The following CLVS1 variants were observed in gnomAD, a reference collection of about 807,000 sequenced individuals.
The protein encoded by CLVS1 is clavesin 1.
Under a neutral mutation model 33.1 loss-of-function variants are expected in CLVS1, and 10 were observed. The observed-to-expected ratio is 0.30, with a 90% confidence interval of 0.19 to 0.51. The LOEUF is 0.51. Ranked by LOEUF, CLVS1 falls within the 20% of genes least tolerant of loss-of-function variation. The pLI is 0.97. For missense variants in CLVS1, 343 were observed against 433.4 expected (o/e 0.79, Z 1.85); for synonymous variants, 163 against 166.1 (o/e 0.98, Z 0.14).
At chr8:61,306,773 A>G (rs923336332) in intron 2 of CLVS1, among the ~76,000 whole-genome samples, 38 of 152,322 alleles carry the variant, frequency 2.5e-4, no homozygotes, top group African/African-American at 8.7e-4. Flanking sequence ...CCAACAATGT[A>G]TGAGGGTTCC....
At chr8:61,364,417 C>A (rs533559339) in intron 2 of CLVS1, among the ~76,000 whole-genome samples, 1 of 152,306 alleles carries the variant, frequency 6.6e-6, no homozygotes, top group South Asian at 2.1e-4. Context: ...AGAATACCAG[C>A]CTGCAAAACA....
intron 5 of CLVS1, among the ~76,000 whole-genome samples, chr8:61,474,248 A>G (rs1375109188): frequency 3.3e-5 from 5 of 152,102 alleles, no homozygotes; most frequent in Admixed American, 3.3e-4. Flanking sequence ...GGAGTCATCA[A>G]CTCTATTTAC....
intron 1 of CLVS1, among the ~76,000 whole-genome samples, chr8:61,077,448 T>C (rs1316001890): frequency 1.9e-4 from 3 of 16,044 alleles, no homozygotes; most frequent in Admixed American, 5.2e-4. Context: ...AAAGTATTAT[T>C]ATTATTATTA....
chr8:61,070,130 C>G (rs910737339), intron 1 of CLVS1, among the ~76,000 whole-genome samples: 1 of 152,144 alleles, frequency 6.6e-6, no homozygotes, highest in Non-Finnish European at 1.5e-5. Flanking sequence ...TTTATCTCCC[C>G]TTGGCTGCCT....
At chr8:61,084,555 T>G (rs1036679185) in intron 1 of CLVS1, among the ~76,000 whole-genome samples, 1 of 152,168 alleles carries the variant, frequency 6.6e-6, no homozygotes, top group African/African-American at 2.4e-5. Context: ...CAACAAAGAT[T>G]TATTTTGCCC....
At chr8:61,070,664 A>AC (rs1437260006) in intron 1 of CLVS1, among the ~76,000 whole-genome samples, 3 of 151,832 alleles carry the variant, frequency 2.0e-5, no homozygotes, top group African/African-American at 4.8e-5. Context: ...ACATTGGGAG[A>AC]CCCCATCTCT....
At chr8:61,356,338 T>C (rs1198680261) in intron 2 of CLVS1, among the ~76,000 whole-genome samples, 2 of 152,160 alleles carry the variant, frequency 1.3e-5, no homozygotes, top group African/African-American at 4.8e-5. Flanking sequence ...GAGTAGGTTG[T>C]GAAAATTTTC....
At chr8:61,333,588 G>A (rs1241310600) in intron 2 of CLVS1, among the ~76,000 whole-genome samples, 2 of 152,176 alleles carry the variant, frequency 1.3e-5, no homozygotes, top group Non-Finnish European at 2.9e-5. Context: ...GGATTAGTAA[G>A]GAGAGACCAT....
intron 3 of CLVS1, among the ~76,000 whole-genome samples, chr8:61,380,799 A>G (rs1813844480): frequency 6.6e-6 from 1 of 152,182 alleles, no homozygotes; most frequent in Non-Finnish European, 1.5e-5. Flanking sequence ...GACATGTCCA[A>G]AATCAATTTT....
intron 2 of CLVS1, among the ~76,000 whole-genome samples, chr8:61,314,914 A>T (rs1045121183): frequency 2.6e-5 from 4 of 152,240 alleles, no homozygotes; most frequent in African/African-American, 9.6e-5. Flanking sequence ...GTGAGAAACC[A>T]TGGGGAATCC....
At chr8:61,421,405 G>T (rs140340903) in intron 3 of CLVS1, among the ~76,000 whole-genome samples, 45 of 152,306 alleles carry the variant, frequency 3.0e-4, no homozygotes, top group African/African-American at 8.9e-4. Context: ...GGTCCTCTCA[G>T]AGGGTGGTAC....
At chr8:61,358,724 G>A (rs1463011223) in intron 2 of CLVS1, among the ~76,000 whole-genome samples, 1 of 152,188 alleles carries the variant, frequency 6.6e-6, no homozygotes, top group African/African-American at 2.4e-5. Context: ...ATTAGAGAAA[G>A]AGCAATAGAA....
At chr8:61,312,173 AGC>A (rs1254831268) in intron 2 of CLVS1, among the ~76,000 whole-genome samples, 1 of 152,216 alleles carries the variant, frequency 6.6e-6, no homozygotes, top group African/African-American at 2.4e-5. Flanking sequence ...CCCTGGCACA[AGC>A]CCAAACTCCA....
chr8:61,029,272 T>C, the CLVS1 span, among the ~76,000 whole-genome samples: 37 of 152,294 alleles, frequency 2.4e-4, no homozygotes, highest in African/African-American at 8.4e-4. Flanking sequence ...CCGGCAGCCG[T>C]GAGGTTCCAC....
intron 2 of CLVS1, among the ~76,000 whole-genome samples, chr8:61,229,822 G>A (rs765201797): frequency 5.9e-5 from 9 of 152,162 alleles, no homozygotes; most frequent in Non-Finnish European, 1.0e-4. Flanking sequence ...TAGAGAGAAG[G>A]TTTCGCCATG....
intron 2 of CLVS1, among the ~76,000 whole-genome samples, chr8:61,318,336 A>G (rs898448077): frequency 6.6e-6 from 1 of 151,974 alleles, no homozygotes; most frequent in African/African-American, 2.4e-5. Flanking sequence ...ATGCTGTTTC[A>G]CTCATTTTAT....
intron 2 of CLVS1, among the ~76,000 whole-genome samples, chr8:61,191,607 A>G (rs1383878840): frequency 6.6e-6 from 1 of 152,224 alleles, no homozygotes; most frequent in African/African-American, 2.4e-5. Context: ...AGATGACATG[A>G]TTGTATATTT....
intron 2 of CLVS1, among the ~76,000 whole-genome samples, chr8:61,154,912 T>A (rs1283504835): frequency 6.6e-6 from 1 of 152,192 alleles, no homozygotes; most frequent in Non-Finnish European, 1.5e-5. Flanking sequence ...AAGCATGAGC[T>A]GTCCAGGCCA....
chr8:61,200,600 G>C (rs1194044545), intron 2 of CLVS1, among the ~76,000 whole-genome samples: 4 of 152,104 alleles, frequency 2.6e-5, no homozygotes, highest in African/African-American at 7.2e-5. Flanking sequence ...TATTTATTTT[G>C]AGCAAGTTTT....
Sources: allele counts gnomAD v4.1 joint callset (sites outside exome capture counted in the v4.1 genomes callset), GRCh38; gene constraint gnomAD v4.1.1; transcripts MANE v1.5; gene names NCBI Gene and HGNC (gene_info 2026-07-23, HGNC 2026-07-21).